Variants in TSPAN5 observed in about 807,000 individuals in gnomAD.
The protein encoded by TSPAN5 is tetraspanin-5.
A neutral mutation model predicts 37.1 loss-of-function variants in TSPAN5; 10 were observed. That is an observed-to-expected ratio of 0.27 (90% confidence interval 0.17 to 0.46). The LOEUF is 0.46. Among genes scored for constraint, TSPAN5 ranks in the 20% least tolerant of loss-of-function variants. The pLI, the probability that TSPAN5 is intolerant of heterozygous loss-of-function variation, is 1.00. For synonymous variants in TSPAN5, 110 were observed against 118.9 expected, an observed-to-expected ratio of 0.93 and a Z score of 0.48; for missense variants, 195 against 326.6, an observed-to-expected ratio of 0.60 and a Z score of 3.11.
intron 1 of TSPAN5, among the ~76,000 whole-genome samples, chr4:98,510,313 T>C (rs1270157335): frequency 6.6e-6 from 1 of 152,126 alleles, no homozygotes; most frequent in African/African-American, 2.4e-5. Context: ...TCCCATGATA[T>C]AAAAAGTTGA....
At chr4:98,605,059 T>C (rs1438265043) in intron 1 of TSPAN5, among the ~76,000 whole-genome samples, 2 of 152,198 alleles carry the variant, frequency 1.3e-5, no homozygotes, top group Non-Finnish European at 2.9e-5. Flanking sequence ...TTTCAGTATT[T>C]CCATGAAAGA....
chr4:98,606,990 G>A (rs1756051872), intron 1 of TSPAN5, among the ~76,000 whole-genome samples: 1 of 152,176 alleles, frequency 6.6e-6, no homozygotes, highest in Admixed American at 6.5e-5. Flanking sequence ...CCCCATAGTG[G>A]GGTGGTGTGG....
chr4:98,476,563 T>C lies in TSPAN5; in HGVS notation c.577-103A>G, dbSNP rs374416686. On this transcript the variant is annotated intron_variant, in intron 5 of 7. Coordinates refer to ENST00000305798, the MANE Select transcript of TSPAN5 (RefSeq NM_005723.4). Reference sequence around the variant, plus strand: ...TGTTACGCATTAGTAATAAAATGTGTATCTGGGCACAAAGACTGCAGCACT... The same window carrying C: ...TGTTACGCATTAGTAATAAAATGTGCATCTGGGCACAAAGACTGCAGCACT... 298 of 1,054,930 alleles carry C rather than the reference T, an allele frequency of 2.8e-4. No homozygotes were observed. In the African/African-American group the frequency reaches 3.8e-3, roughly 13 times the overall value. 65.3% of individuals were successfully genotyped at this position (1,054,930 alleles called of 1,614,324 possible).
chr4:98,603,629 AAC>A (rs1334749799), intron 1 of TSPAN5, among the ~76,000 whole-genome samples: 1 of 152,212 alleles, frequency 6.6e-6, no homozygotes, highest in East Asian at 1.9e-4. Flanking sequence ...AACTGGACAG[AAC>A]AGTTGTGGCC....
chr4:98,573,612 T>TG (rs1216878804), intron 1 of TSPAN5, among the ~76,000 whole-genome samples: 5 of 152,354 alleles, frequency 3.3e-5, no homozygotes, highest in African/African-American at 1.2e-4. Flanking sequence ...AATCATCACT[T>TG]GAAACTGTTT....
intron 1 of TSPAN5, among the ~76,000 whole-genome samples, chr4:98,603,768 T>C (rs756132299): frequency 9.2e-5 from 14 of 152,146 alleles, no homozygotes; most frequent in South Asian, 2.1e-4. Context: ...TCCTTCACAA[T>C]GGAAAATAAA....
rs577635927 is a variant in TSPAN5, at chr4:98,561,641, G to A, written c.82-53913C>T. On this transcript the variant is annotated intron_variant, in intron 1 of 7. Transcript: ENST00000305798. ...GTGGATATTCTTGGCAGTGGAAAGC[G>A]TATAAGCAAAGAAAGGAAGAAAATA... 3.9e-4 allele frequency among the ~76,000 whole-genome samples: 59 copies of A among 152,318 alleles called. No individual in the cohort carries two copies. In the South Asian group the frequency reaches 5.6e-3, roughly 14 times the overall value.
In TSPAN5 at chr4:98,476,901, A is replaced by G. The variant is rs146734902; in HGVS notation, c.577-441T>C. Among the ~76,000 whole-genome samples, 12 of 152,334 alleles carry G rather than the reference A, an allele frequency of 7.9e-5. No homozygotes were observed. In the East Asian group the frequency reaches 2.3e-3, roughly 29 times the overall value. On this transcript the variant is annotated intron_variant, in intron 5 of 7. Coordinates refer to ENST00000305798, the MANE Select transcript of TSPAN5 (RefSeq NM_005723.4). ...ATGTTACTTAAATTGTTTTTCAATG[A>G]GCTTTTAATAATTAAAAAACAAAAC...
intron 1 of TSPAN5, among the ~76,000 whole-genome samples, chr4:98,622,885 G>A (rs1386056813): frequency 6.6e-6 from 1 of 152,158 alleles, no homozygotes; most frequent in Non-Finnish European, 1.5e-5. Flanking sequence ...GAAGGAGTGT[G>A]ATAAGCAGAA....
chr4:98,648,043 A>C (rs1290941350), intron 1 of TSPAN5, among the ~76,000 whole-genome samples: 3 of 152,236 alleles, frequency 2.0e-5, no homozygotes, highest in African/African-American at 7.2e-5. Context: ...ACAGGAAAAC[A>C]CTAGGCATAA....
At chr4:98,592,184 C>T (rs913576650) in intron 1 of TSPAN5, among the ~76,000 whole-genome samples, 9 of 149,078 alleles carry the variant, frequency 6.0e-5, no homozygotes, top group Middle Eastern at 6.8e-3. Flanking sequence ...TCATGCCATA[C>T]GGAAACGTTA....
chr4:98,655,580 G>A lies in TSPAN5; in HGVS notation c.81+2566C>T, dbSNP rs142324865. Among the ~76,000 whole-genome samples the A allele has an allele frequency of 2.9e-3, 442 of 152,324 alleles. 3 individuals are homozygous for A. The highest frequency in any genetic ancestry group is 0.01 in the African/African-American group (421 of 41,564). On this transcript the variant is annotated intron_variant, in intron 1 of 7. Coordinates refer to ENST00000305798, the MANE Select transcript of TSPAN5 (RefSeq NM_005723.4). ...ACCAGTGTATGTCAAATGTAGTCTA[G>A]CAGTTCAGTGTGAAAATGAAAATTA...
chr4:98,563,257 G>A (rs545932622), intron 1 of TSPAN5, among the ~76,000 whole-genome samples: 7 of 151,990 alleles, frequency 4.6e-5, no homozygotes, highest in Admixed American at 6.6e-5. Context: ...AGAAGAAACC[G>A]GGAGAAGGCA....
intron 3 of TSPAN5, chr4:98,486,522 T>C (rs35047075): frequency 0.069 from 37,170 of 538,568 alleles, 1,798 homozygotes; most frequent in Middle Eastern, 0.17. Context: ...CCTCCATGGA[T>C]GGCATGGTGG....
chr4:98,589,961 C>G (rs1755587043), intron 1 of TSPAN5, among the ~76,000 whole-genome samples: 1 of 152,120 alleles, frequency 6.6e-6, no homozygotes, highest in African/African-American at 2.4e-5. Flanking sequence ...CTACCTCTCT[C>G]CTGTGCTGTA....
At chr4:98,624,542 G>A (rs1560564589) in intron 1 of TSPAN5, among the ~76,000 whole-genome samples, 2 of 152,176 alleles carry the variant, frequency 1.3e-5, no homozygotes, top group Non-Finnish European at 2.9e-5. Flanking sequence ...TTGTTTTGTA[G>A]AGGAGGTGTA....
At chr4:98,605,402 C>T (rs919206200) in intron 1 of TSPAN5, among the ~76,000 whole-genome samples, 1 of 152,068 alleles carries the variant, frequency 6.6e-6, no homozygotes, top group Non-Finnish European at 1.5e-5. Flanking sequence ...GTTTGGTGGA[C>T]AAAGTAACCA....
chr4:98,625,386 G>A (rs1375762934), intron 1 of TSPAN5, among the ~76,000 whole-genome samples: 2 of 152,202 alleles, frequency 1.3e-5, no homozygotes, highest in Admixed American at 6.5e-5. Context: ...AGCAGAATTT[G>A]GAGCCACTTT....
chr4:98,473,385 A>T (rs1752627708), intron 7 of TSPAN5, among the ~76,000 whole-genome samples: 1 of 151,154 alleles, frequency 6.6e-6, no homozygotes, highest in South Asian at 2.1e-4. Context: ...AGTATGAAAT[A>T]TGTGGCTTTG....
Sources: allele counts gnomAD v4.1 joint callset (sites outside exome capture counted in the v4.1 genomes callset), GRCh38; gene constraint gnomAD v4.1.1; transcripts MANE v1.5; gene names NCBI Gene and HGNC (gene_info 2026-07-23, HGNC 2026-07-21).